WRN: variants seen among roughly 807,000 people sequenced by gnomAD.
WRN encodes bifunctional 3'-5' exonuclease/ATP-dependent helicase WRN.
In WRN, 149 loss-of-function variants were observed where a neutral mutation model predicts 180.7. The observed-to-expected ratio is 0.82, with a 90% CI of 0.72 to 0.94. WRN has a LOEUF of 0.94. WRN is among the 40% of genes least tolerant of loss of function. The probability of loss-of-function intolerance (pLI) is 0.00; values close to 1 mark genes in which losing one functional copy is unlikely to be tolerated. For synonymous variants in WRN, 548 were observed against 568.9 expected (o/e 0.96, Z 0.52); for missense variants, 1,661 against 1,700.1 (o/e 0.98, Z 0.40).
chr8:31,078,155 G>T (rs1813166566), intron 8 of WRN, among the ~76,000 whole-genome samples: 2 of 152,260 alleles, frequency 1.3e-5, no homozygotes, highest in East Asian at 3.9e-4. Context: ...GGTATGACAA[G>T]AATTATCAAT....
intron 7 of WRN, among the ~76,000 whole-genome samples, chr8:31,072,493 G>A (rs909032108): frequency 6.6e-6 from 1 of 152,058 alleles, no homozygotes; most frequent in Non-Finnish European, 1.5e-5. Context: ...AGAGGAGTAG[G>A]TTAGATCTGA....
intron 16 of WRN, among the ~76,000 whole-genome samples, chr8:31,093,151 C>G (rs1453307937): frequency 6.6e-6 from 1 of 152,070 alleles, no homozygotes; most frequent in African/African-American, 2.4e-5. Flanking sequence ...GTTGCCCAGG[C>G]TGGTCTTGAA....
chr8:31,110,074 A>G (rs1156631951), intron 18 of WRN, among the ~76,000 whole-genome samples: 1 of 151,276 alleles, frequency 6.6e-6, no homozygotes, highest in African/African-American at 2.4e-5. Context: ...GTGCATTTAT[A>G]TAAATTATTT....
intron 31 of WRN, among the ~76,000 whole-genome samples, chr8:31,151,046 G>A (rs1258294001): frequency 6.6e-6 from 1 of 152,188 alleles, no homozygotes; most frequent in African/African-American, 2.4e-5. Context: ...TGCAGAAGGT[G>A]AGGCAGTGGG....
At chr8:31,040,000 T>A (rs1284411009) in intron 1 of WRN, among the ~76,000 whole-genome samples, 1 of 152,174 alleles carries the variant, frequency 6.6e-6, no homozygotes, top group African/African-American at 2.4e-5. Context: ...TAAAAGGTAA[T>A]ATGGCTTGAA....
intron 7 of WRN, among the ~76,000 whole-genome samples, chr8:31,070,115 T>C (rs1455582597): frequency 6.6e-6 from 1 of 151,728 alleles, no homozygotes; most frequent in African/African-American, 2.4e-5. Context: ...TGAATTGTAT[T>C]AGGTTGGTGC....
chr8:31,041,905 G>T (rs765484736), intron 1 of WRN, among the ~76,000 whole-genome samples: 4 of 152,170 alleles, frequency 2.6e-5, no homozygotes, highest in Non-Finnish European at 4.4e-5. Flanking sequence ...TTTATTCGGG[G>T]TTAGAGTTTT....
chr8:31,080,631 C>G (rs1813264242), intron 8 of WRN, among the ~76,000 whole-genome samples: 1 of 151,692 alleles, frequency 6.6e-6, no homozygotes, highest in African/African-American at 2.4e-5. Context: ...CCAAGCACTA[C>G]TGACTCTTAG....
chr8:31,169,847 G>A (rs1804037442), intron 34 of WRN, among the ~76,000 whole-genome samples: 2 of 151,128 alleles, frequency 1.3e-5, no homozygotes. Context: ...TCTCCTAGAA[G>A]GCAGCCTCGG....
intron 28 of WRN, among the ~76,000 whole-genome samples, chr8:31,144,622 C>A (rs367959850): frequency 9.7e-4 from 147 of 152,238 alleles, no homozygotes; most frequent in African/African-American, 3.4e-3. Flanking sequence ...CAGGTGTGAG[C>A]CGCTGTGCCT....
chr8:31,120,238 C>A lies in WRN; in HGVS notation c.2449-5C>A. 1 of 1,612,314 alleles carries A rather than the reference C, an allele frequency of 6.2e-7. No homozygotes were observed. Among genetic ancestry groups the A allele is most frequent in the Non-Finnish European group, 8.5e-7 (1 of 1,178,656 alleles). On this transcript the variant is annotated splice_polypyrimidine_tract_variant and splice_region_variant and intron_variant, in intron 20 of 34. Coordinates refer to ENST00000298139, the MANE Select transcript of WRN (RefSeq NM_000553.6). ...TTGTCAAACTGTGTTGTGATTTGTT[C>A]TCAGTGTGTCATAGCTACCATAGCT... is the stretch of plus-strand genomic sequence containing the variant.
At chr8:31,103,049 A>G (rs1220171813) in intron 18 of WRN, among the ~76,000 whole-genome samples, 4 of 151,392 alleles carry the variant, frequency 2.6e-5, no homozygotes. Context: ...ACTAAAATAC[A>G]CACATATCAG....
chr8:31,141,703 C>T lies in WRN; in HGVS notation c.3161C>T (p.Ala1054Val). 1.2e-6 allele frequency: 2 copies of T among 1,614,070 alleles called. No individual in the cohort carries two copies. Among genetic ancestry groups the T allele is most frequent in the South Asian group, 2.2e-5 (2 of 91,078 alleles). Residue 1054 changes from alanine to valine, a missense_variant, in exon 26 of 35, where the codon GCT (alanine) becomes GTT (valine). Ala to Val is a moderately conservative substitution (Grantham distance 64, BLOSUM62 0). Around this residue, in one of 3 missense-constraint regions of WRN, gnomAD observed 1,141 missense variants for 1,149.4 expected, o/e 0.99. Coordinates refer to ENST00000298139, the MANE Select transcript of WRN (RefSeq NM_000553.6). ...TAGGGTAGAAATTGGCTTCATAAAG[C>T]TAATACAGAATCTCAGAGCCTCATC... The part of the protein sequence containing the change: ...TKKGRNWLHK[A>V]NTESQSLILQ...
intron 1 of WRN, among the ~76,000 whole-genome samples, chr8:31,048,138 G>T (rs1811937695): frequency 6.6e-6 from 1 of 152,154 alleles, no homozygotes; most frequent in South Asian, 2.1e-4. Context: ...AAAGAAACAA[G>T]TCTCTCAAAA....
At chr8:31,096,524 A>G (rs548623571) in intron 16 of WRN, among the ~76,000 whole-genome samples, 12 of 152,278 alleles carry the variant, frequency 7.9e-5, no homozygotes, top group African/African-American at 2.9e-4. Flanking sequence ...GGAAAATACA[A>G]TAGGTCTTTC....
At chr8:31,132,624 CAT>C (rs1248169449) in intron 24 of WRN, 118 bp downstream of exon 24, 3 of 1,392,782 alleles carry the variant, frequency 2.2e-6, no homozygotes, top group Non-Finnish European at 3.0e-6. Context: ...ACTAGGAACT[CAT>C]AGAGTCTTAC....
At chr8:31,165,386 A>G (rs1458769246) in intron 33 of WRN, among the ~76,000 whole-genome samples, 1 of 152,100 alleles carries the variant, frequency 6.6e-6, no homozygotes, top group Non-Finnish European at 1.5e-5. Flanking sequence ...TGGTCTTTCT[A>G]AAACAGCACT....
At chr8:31,068,118 A>G (rs1812778338) in intron 6 of WRN, 140 bp from the exon 7 acceptor site, 2 of 643,176 alleles carry the variant, frequency 3.1e-6, no homozygotes, top group Non-Finnish European at 5.5e-6. Flanking sequence ...GGACATATTG[A>G]TATTTGTGTC....
At position 31,139,999 on chromosome 8, in the gene WRN, C is replaced by CTTTTTTTT. The variant is rs1563375284; in HGVS notation, c.2968-1428_2968-1427insTTTTTTTT. 2.9e-4 allele frequency among the ~76,000 whole-genome samples: 22 copies of CTTTTTTTT among 74,698 alleles called. 3 individuals carry two copies. The highest frequency in any genetic ancestry group is 1.0e-3 in the African/African-American group (19 of 18,720). The allele number at this position is 74,698 out of a possible 152,430, so 49.0% of individuals were successfully genotyped here. ...CATAAAGCTCTATGTTTGTATACTT[C>CTTTTTTTT]TTTGTTTTTTTTTTTTTTTTTTTTT... is the stretch of plus-strand genomic sequence containing the variant. On this transcript the variant is annotated intron_variant, in intron 24 of 34. Transcript: ENST00000298139.
Sources: gnomAD v4.1 joint callset for allele counts (sites outside exome capture counted in the v4.1 genomes callset) on GRCh38, gnomAD v4.1.1 for gene constraint, gnomAD v4.1.1 regional missense constraint, MANE v1.5 for transcripts, NCBI Gene and HGNC (gene_info 2026-07-23, HGNC 2026-07-21) for gene names.